Variants in STIP1 observed in about 807,000 individuals in gnomAD.
STIP1 encodes stress induced phosphoprotein 1.
In STIP1, 16 loss-of-function variants were observed where a neutral mutation model predicts 77.4. The observed-to-expected ratio is 0.21, with a 90% CI of 0.14 to 0.31. The LOEUF is 0.31. Among genes scored for constraint, STIP1 ranks in the 10% least tolerant of loss-of-function variants. STIP1 has a pLI of 1.00. For synonymous variants in STIP1, 258 were observed against 246.6 expected (o/e 1.05, Z -0.44); for missense variants, 524 against 684.8 (o/e 0.77, Z 2.62).
At chr11:64,188,425 T>TGGCCCA (rs1208004134) in intron 1 of STIP1, among the ~76,000 whole-genome samples, 2 of 152,116 alleles carry the variant, frequency 1.3e-5, no homozygotes, top group Non-Finnish European at 2.9e-5. Context: ...TCTGGTTCTG[T>TGGCCCA]GGCCCAGGCT....
intron 10 of STIP1, chr11:64,202,427 T>TTA (rs1946228953): frequency 6.8e-6 from 1 of 148,026 alleles, no homozygotes; most frequent in Admixed American, 6.8e-5. Flanking sequence ...TTTTTTTTTT[T>TTA]AGTAGAGATG....
At chr11:64,194,056 C>T in intron 2 of STIP1, 133 bp from the exon 3 acceptor site, 1 of 1,290,594 alleles carries the variant, frequency 7.7e-7, no homozygotes, top group Non-Finnish European at 1.1e-6. Context: ...CTACTCCTCT[C>T]CTTTTTTTCT....
chr11:64,194,743 C>T, intron 4 of STIP1, 123 bp downstream of exon 4: 4 of 1,244,708 alleles, frequency 3.2e-6, no homozygotes, highest in Non-Finnish European at 4.4e-6. Flanking sequence ...TTATTCTCTG[C>T]AGAGCAGTAG....
At chr11:64,190,890 C>A (rs1223747424) in intron 1 of STIP1, among the ~76,000 whole-genome samples, 1 of 152,078 alleles carries the variant, frequency 6.6e-6, no homozygotes, top group Non-Finnish European at 1.5e-5. Context: ...GTCCCAGCTA[C>A]TTAAAAGGCT....
chr11:64,194,666 A>C lies in STIP1; in HGVS notation c.503+46A>C, dbSNP rs149417300. 2.4e-4 allele frequency: 388 copies of C among 1,601,202 alleles called. 2 individuals carry two copies. In the African/African-American group the frequency reaches 4.7e-3, roughly 19 times the overall value. On this transcript the variant is annotated intron_variant, in intron 4 of 13. Coordinates refer to ENST00000305218, the MANE Select transcript of STIP1 (RefSeq NM_006819.3). Reference sequence around the variant, plus strand: ...GAGGTTCTGGAAATCGGGGAATGTTATGCTTTCTTCCTGTAACCTCACAGC... The same window carrying C: ...GAGGTTCTGGAAATCGGGGAATGTTCTGCTTTCTTCCTGTAACCTCACAGC...
At position 64,199,927 on chromosome 11, in the gene STIP1, T is replaced by C. The variant is rs1555043085; in HGVS notation, c.1024-13T>C. On this transcript the variant is annotated splice_polypyrimidine_tract_variant and intron_variant, in intron 8 of 13. Transcript: ENST00000305218. ...AGCGTTTAAATTATTATTTCAAGAA[T>C]TATGTTTTGTAGGCAGAGAAAATCC... The C allele has an allele frequency of 6.2e-7, 1 of 1,613,890 alleles. No homozygotes were observed. The highest frequency in any genetic ancestry group is 8.5e-7 in the Non-Finnish European group (1 of 1,179,930).
chr11:64,199,765 A>G (rs376409736), intron 8 of STIP1, among the ~76,000 whole-genome samples, 175 bp from the exon 9 acceptor site: 15 of 151,716 alleles, frequency 9.9e-5, no homozygotes, highest in African/African-American at 2.9e-4. Context: ...GGGTTTCACC[A>G]TGTTAGCCAG....
In STIP1 at chr11:64,203,467, C is replaced by T; in HGVS notation, c.1404C>T (p.Tyr468=). Residue 468 remains tyrosine, a synonymous_variant, in exon 13 of 14, where the codon TAC becomes TAT. Transcript: ENST00000305218. ...DSSCKEAADG[Y]QRCMMAQYNR... ...GACTGCAGGAGGCGGCAGACGGCTACCAGCGCTGTATGATGGCGCAGTACA... is the reference window on the plus strand; with the variant it reads ...GACTGCAGGAGGCGGCAGACGGCTATCAGCGCTGTATGATGGCGCAGTACA... 6.2e-7 allele frequency: 1 copy of T among 1,614,030 alleles called. No individual in the cohort carries two copies. The highest frequency in any genetic ancestry group is 1.1e-5 in the South Asian group (1 of 91,080).
At position 64,197,376 on chromosome 11, in the gene STIP1, A is replaced by G. The variant is rs1430443625; in HGVS notation, c.778A>G (p.Thr260Ala). 5 of 1,613,884 alleles carry G rather than the reference A, an allele frequency of 3.1e-6. No homozygotes were observed. The Admixed American group carries it at 8.3e-5, about 27-fold the overall frequency. The change falls in exon 6 of 14, where the codon ACT becomes GCT. Residue 260 changes from threonine to alanine, a missense_variant. Thr to Ala is a moderately conservative substitution (Grantham distance 58). Coordinates refer to ENST00000305218, the MANE Select transcript of STIP1 (RefSeq NM_006819.3). ...KAKELDPTNMTYITNQAAVYF... is the reference protein window; with the variant it reads ...KAKELDPTNMAYITNQAAVYF... The stretch of plus-strand genomic sequence containing the variant: ...CAAGGAGCTGGACCCCACTAACATG[A>G]CTTACATTACCAATCAAGCAGGTGA...
At chr11:64,186,404 C>T (rs1485345471) in intron 1 of STIP1, 134 bp downstream of exon 1, 4 of 520,478 alleles carry the variant, frequency 7.7e-6, no homozygotes, top group Admixed American at 7.1e-5. Context: ...GGGGCGGCGG[C>T]GGGGAGGTGA....
chr11:64,190,336 G>T (rs571620558), intron 1 of STIP1, among the ~76,000 whole-genome samples: 155 of 152,202 alleles, frequency 1.0e-3, no homozygotes, highest in African/African-American at 3.6e-3. Context: ...ACCACGCCCG[G>T]CTAATTTTTT....
intron 10 of STIP1, among the ~76,000 whole-genome samples, chr11:64,201,198 C>T (rs576002401): frequency 1.4e-4 from 21 of 152,066 alleles, no homozygotes; most frequent in Admixed American, 2.6e-4. Context: ...CACCACTGTA[C>T]CCAGCTAATT....
At chr11:64,203,906 C>A in intron 13 of STIP1, 148 bp from the exon 14 acceptor site, 1 of 945,862 alleles carries the variant, frequency 1.1e-6, no homozygotes, top group Non-Finnish European at 1.6e-6. Context: ...CGAAGTGGAG[C>A]AGGCCTCTGC....
intron 1 of STIP1, among the ~76,000 whole-genome samples, chr11:64,192,031 C>T (rs1946098646): frequency 1.3e-5 from 2 of 151,790 alleles, no homozygotes; most frequent in East Asian, 1.9e-4. Flanking sequence ...TGCTGTATCC[C>T]ACCGGGCGCG....
intron 12 of STIP1, 45 bp from the exon 13 acceptor site, chr11:64,203,405 T>C: frequency 6.2e-7 from 1 of 1,610,462 alleles, no homozygotes. Flanking sequence ...AGCAGTGAGC[T>C]GGGTGGTCCT....
At chr11:64,195,847 C>T (rs758946832) in intron 5 of STIP1, 34 bp downstream of exon 5, 3 of 1,612,612 alleles carry the variant, frequency 1.9e-6, no homozygotes, top group African/African-American at 2.7e-5. Flanking sequence ...TGTCACCTAT[C>T]TATAAACAAC....
chr11:64,186,335 G>T, intron 1 of STIP1, 65 bp downstream of exon 1: 40 of 485,894 alleles, frequency 8.2e-5, no homozygotes, highest in Non-Finnish European at 1.2e-4. Context: ...CCAGGCCGCG[G>T]TAGGGGGGCG....
chr11:64,185,814 G>A (rs1946005783), upstream of STIP1: 1 of 1,535,720 alleles, frequency 6.5e-7, no homozygotes. Context: ...CATTCTGAAG[G>A]CGGTTCCGAC....
Position 64,193,056 on chromosome 11 carries a change from CTG to C in STIP1, c.10-16_10-15del. The stretch of plus-strand genomic sequence containing the variant: ...ATTAAATGGGCACATCATAGAGAAG[CTG>C]TGTGTTCCTTTCCCCTCAGGTCAAT... On this transcript the variant is annotated intron_variant, in intron 1 of 13. Coordinates refer to ENST00000305218, the MANE Select transcript of STIP1 (RefSeq NM_006819.3). The C allele has an allele frequency of 6.2e-7, 1 of 1,609,268 alleles. No homozygotes were observed. Among genetic ancestry groups the C allele is most frequent in the South Asian group, 1.1e-5 (1 of 90,904 alleles).
Sources: allele counts gnomAD v4.1 joint callset (sites outside exome capture counted in the v4.1 genomes callset), GRCh38; gene constraint gnomAD v4.1.1; transcripts MANE v1.5; gene names NCBI Gene and HGNC (gene_info 2026-07-23, HGNC 2026-07-21).